MARCHF1: variants seen among roughly 807,000 people sequenced by gnomAD.
MARCHF1 encodes membrane associated ring-CH-type finger 1.
In MARCHF1, 40 loss-of-function variants were observed where a neutral mutation model predicts 54.2. That is an observed-to-expected ratio of 0.74 (90% CI 0.57 to 0.96). The LOEUF is 0.96. MARCHF1 is among the 40% of genes least tolerant of loss of function. The pLI is 0.00. For missense variants in MARCHF1, 586 were observed against 656.5 expected (o/e 0.89, Z 1.17); for synonymous variants, 236 against 236.3 (o/e 1.00, Z 0.01).
At chr4:163,811,300 T>C (rs1748378366) in intron 4 of MARCHF1, among the ~76,000 whole-genome samples, 1 of 152,104 alleles carries the variant, frequency 6.6e-6, no homozygotes, top group Non-Finnish European at 1.5e-5. Context: ...TGTTTAGTGA[T>C]ACCTTAACTG....
At chr4:164,291,206 T>C (rs1296070548) in intron 1 of MARCHF1, among the ~76,000 whole-genome samples, 1 of 152,014 alleles carries the variant, frequency 6.6e-6, no homozygotes, top group Non-Finnish European at 1.5e-5. Flanking sequence ...TAATTTGACA[T>C]TATAAAGCAG....
At chr4:164,076,445 G>T (rs1264765988) in intron 2 of MARCHF1, among the ~76,000 whole-genome samples, 1 of 152,118 alleles carries the variant, frequency 6.6e-6, no homozygotes, top group Non-Finnish European at 1.5e-5. Context: ...TATTTAATGG[G>T]CAAATTTGGA....
chr4:164,051,100 C>T (rs1038298353), intron 2 of MARCHF1, among the ~76,000 whole-genome samples: 23 of 152,080 alleles, frequency 1.5e-4, no homozygotes, highest in African/African-American at 5.3e-4. Flanking sequence ...CCTGTGTGCA[C>T]CACGAATTGG....
At chr4:163,615,137 T>C (rs759878363) in intron 5 of MARCHF1, among the ~76,000 whole-genome samples, 6 of 152,114 alleles carry the variant, frequency 3.9e-5, no homozygotes, top group Non-Finnish European at 7.4e-5. Context: ...TGATGTATTC[T>C]GGTGGTGGCT....
At chr4:163,548,511 T>C (rs994804429) in intron 8 of MARCHF1, among the ~76,000 whole-genome samples, 10 of 152,300 alleles carry the variant, frequency 6.6e-5, no homozygotes, top group Middle Eastern at 6.8e-3. Context: ...ATTCATCTAG[T>C]TCCAGACAAT....
intron 1 of MARCHF1, among the ~76,000 whole-genome samples, chr4:164,118,021 T>G (rs951598286): frequency 3.3e-5 from 5 of 151,966 alleles, no homozygotes; most frequent in Non-Finnish European, 5.9e-5. Context: ...CATCAATTAG[T>G]GCTCATAATT....
At chr4:163,742,607 G>C (rs1394773345) in intron 4 of MARCHF1, among the ~76,000 whole-genome samples, 1 of 151,828 alleles carries the variant, frequency 6.6e-6, no homozygotes, top group African/African-American at 2.4e-5. Flanking sequence ...CTCCTGAGTA[G>C]CTTGGACCAC....
chr4:163,682,006 T>C (rs1286686125), intron 5 of MARCHF1, among the ~76,000 whole-genome samples: 1 of 152,152 alleles, frequency 6.6e-6, no homozygotes, highest in Non-Finnish European at 1.5e-5. Flanking sequence ...CTTTAGAACT[T>C]CTTAACTTGT....
chr4:163,876,602 CAGGATCAAGGTA>C (rs149191387), intron 3 of MARCHF1, among the ~76,000 whole-genome samples: 1,790 of 152,104 alleles, frequency 0.012, 20 homozygotes, highest in Non-Finnish European at 0.02. Context: ...TCTTATGAAA[CAGGATCAAGGTA>C]AGGCACACAG....
intron 4 of MARCHF1, among the ~76,000 whole-genome samples, chr4:163,734,811 T>G (rs1213029864): frequency 1.3e-5 from 2 of 152,132 alleles, no homozygotes; most frequent in Non-Finnish European, 2.9e-5. Flanking sequence ...TATTATACAC[T>G]TTAAACATTC....
intron 4 of MARCHF1, among the ~76,000 whole-genome samples, chr4:163,742,386 C>T (rs1209851512): frequency 1.3e-5 from 1 of 75,958 alleles, no homozygotes; most frequent in Admixed American, 1.4e-4. Context: ...CTCGCTACCT[C>T]CTTCCTTCCT....
intron 1 of MARCHF1, among the ~76,000 whole-genome samples, chr4:164,155,170 C>A (rs574349459): frequency 2.0e-5 from 3 of 151,954 alleles, no homozygotes; most frequent in Admixed American, 6.6e-5. Context: ...TTTTTGGCTG[C>A]GAAAATAGAA....
intron 2 of MARCHF1, among the ~76,000 whole-genome samples, chr4:164,026,101 C>T (rs912214050): frequency 4.0e-5 from 6 of 151,888 alleles, no homozygotes; most frequent in African/African-American, 9.7e-5. Context: ...ATAACAACAA[C>T]AACAACAAAA....
chr4:163,990,373 A>C (rs1752949584), intron 2 of MARCHF1, among the ~76,000 whole-genome samples: 1 of 152,182 alleles, frequency 6.6e-6, no homozygotes, highest in Non-Finnish European at 1.5e-5. Flanking sequence ...AAAAAATTAC[A>C]GATGTTTCTG....
chr4:163,731,621 G>A (rs1208650517), intron 4 of MARCHF1, among the ~76,000 whole-genome samples: 1 of 152,208 alleles, frequency 6.6e-6, no homozygotes, highest in African/African-American at 2.4e-5. Flanking sequence ...GTATGGCTGA[G>A]TGAGGGAGCT....
intron 4 of MARCHF1, among the ~76,000 whole-genome samples, chr4:163,783,574 G>A (rs1006013157): frequency 2.0e-5 from 3 of 152,158 alleles, no homozygotes; most frequent in Admixed American, 1.3e-4. Context: ...AAGAGAGCCT[G>A]GGAAATGTTG....
intron 9 of MARCHF1, among the ~76,000 whole-genome samples, chr4:163,532,741 A>G (rs891144116): frequency 6.6e-6 from 1 of 152,022 alleles, no homozygotes; most frequent in Non-Finnish European, 1.5e-5. Context: ...TATGTCATCA[A>G]TGAAGATAAA....
rs556847702 is a variant in MARCHF1 at position 163,941,467 on chromosome 4, T to G, written c.-39+47034A>C. Among the ~76,000 whole-genome samples the G allele has an allele frequency of 5.9e-5, 9 of 152,214 alleles. No homozygotes were observed. In the South Asian group the frequency reaches 6.2e-4, roughly 11 times the overall value. ...AACACAGGTATCAGATTAGAATTAG[T>G]TAGGTAGGTTAAATAGAAGTAAAGG... On this transcript the variant is annotated intron_variant, in intron 3 of 9. Transcript: ENST00000514618.
At chr4:164,190,001 T>C (rs1167559646) in intron 1 of MARCHF1, 2 of 1,459,958 alleles carry the variant, frequency 1.4e-6, no homozygotes, top group Non-Finnish European at 1.9e-6. Flanking sequence ...GGATGGTTAA[T>C]GATGCTGAGA....
Sources: allele counts gnomAD v4.1 joint callset (sites outside exome capture counted in the v4.1 genomes callset), GRCh38; gene constraint gnomAD v4.1.1; transcripts MANE v1.5; gene names NCBI Gene and HGNC (gene_info 2026-07-23, HGNC 2026-07-21).